Variants in SLC39A11 observed in about 807,000 individuals in gnomAD.
SLC39A11 encodes zinc transporter ZIP11.
A neutral mutation model predicts 36.1 loss-of-function variants in SLC39A11; 33 were observed. The observed-to-expected ratio is 0.91, with a 90% confidence interval of 0.69 to 1.22. SLC39A11 has a LOEUF of 1.22. Among genes scored for constraint, SLC39A11 ranks in the 50% most tolerant of loss-of-function variants. The pLI is 0.00. For missense variants in SLC39A11, 432 were observed against 430.3 expected, an observed-to-expected ratio of 1.00 and a Z score of -0.03; for synonymous variants, 166 against 170.3, an observed-to-expected ratio of 0.97 and a Z score of 0.20.
At chr17:72,875,226 C>G (rs1449998047) in intron 5 of SLC39A11, among the ~76,000 whole-genome samples, 1 of 152,196 alleles carries the variant, frequency 6.6e-6, no homozygotes, top group Non-Finnish European at 1.5e-5. Flanking sequence ...CACATTAACA[C>G]TGTAAATATT....
At chr17:72,721,895 G>A (rs1321240199) in intron 7 of SLC39A11, among the ~76,000 whole-genome samples, 2 of 149,646 alleles carry the variant, frequency 1.3e-5, no homozygotes, top group Non-Finnish European at 3.0e-5. Context: ...GCTTGAACCT[G>A]GGAGGCAGAG....
At chr17:72,729,982 C>A (rs7221363) in intron 7 of SLC39A11, among the ~76,000 whole-genome samples, 5 of 152,068 alleles carry the variant, frequency 3.3e-5, no homozygotes, top group Non-Finnish European at 7.4e-5. Context: ...CAAGACAATG[C>A]GGTCTGAATG....
intron 3 of SLC39A11, among the ~76,000 whole-genome samples, chr17:73,042,519 G>A (rs553563653): frequency 7.2e-5 from 11 of 152,308 alleles, no homozygotes; most frequent in Non-Finnish European, 1.5e-4. Flanking sequence ...ATCAGAAAGA[G>A]GCTGGGCATG....
chr17:73,027,873 C>T (rs1019867089), intron 4 of SLC39A11, among the ~76,000 whole-genome samples: 5 of 152,138 alleles, frequency 3.3e-5, no homozygotes, highest in African/African-American at 1.2e-4. Context: ...TCCAGACTTC[C>T]GCATCTCCTT....
At chr17:73,036,698 C>T (rs2058927734) in intron 3 of SLC39A11, among the ~76,000 whole-genome samples, 1 of 152,156 alleles carries the variant, frequency 6.6e-6, no homozygotes, top group Non-Finnish European at 1.5e-5. Flanking sequence ...CCACCTGCCT[C>T]GGCCTCCCAA....
intron 4 of SLC39A11, among the ~76,000 whole-genome samples, chr17:72,991,444 A>G (rs2089168070): frequency 6.7e-6 from 1 of 149,552 alleles, no homozygotes; most frequent in Admixed American, 6.7e-5. Flanking sequence ...CACAACCTCC[A>G]CCTCCCGGGT....
intron 5 of SLC39A11, among the ~76,000 whole-genome samples, chr17:72,886,445 C>A (rs961016974): frequency 8.5e-5 from 13 of 152,180 alleles, no homozygotes; most frequent in Non-Finnish European, 1.9e-4. Context: ...CCTCCTCCTC[C>A]TTTCTCCTTC....
At chr17:72,707,013 A>G (rs1181141049) in intron 7 of SLC39A11, among the ~76,000 whole-genome samples, 1 of 152,244 alleles carries the variant, frequency 6.6e-6, no homozygotes, top group Admixed American at 6.5e-5. Context: ...CACCTGAAAT[A>G]TGGTGAATCC....
chr17:73,081,870 G>A (rs2060548455), intron 3 of SLC39A11, among the ~76,000 whole-genome samples: 1 of 151,052 alleles, frequency 6.6e-6, no homozygotes, highest in Admixed American at 6.6e-5. Context: ...AGTAACTCAG[G>A]AATGGAAAAC....
intron 5 of SLC39A11, among the ~76,000 whole-genome samples, chr17:72,865,897 G>A (rs2080276499): frequency 1.3e-5 from 2 of 152,158 alleles, no homozygotes; most frequent in African/African-American, 4.8e-5. Context: ...CATTTCTATT[G>A]AAAACTCAAC....
At position 72,736,686 on chromosome 17, in the gene SLC39A11, A is replaced by G; in HGVS notation, c.635T>C (p.Ile212Thr). The G allele has an allele frequency of 6.8e-6, 11 of 1,614,088 alleles. No individual in the cohort carries two copies. The highest frequency in any genetic ancestry group is 9.3e-6 in the Non-Finnish European group (11 of 1,179,980). Residue 212 changes from isoleucine (I) to threonine (T), a missense_variant, in exon 7 of 10, where the codon ATA (isoleucine) becomes ACA (threonine). Ile to Thr is a moderately conservative substitution (Grantham distance 89, BLOSUM62 -1). Transcript: ENST00000255559. ...GLAVGVGFGA[I>T]EKTASATFES... ...AAAGGTAGCAGATGCCGTCTTTTCT[A>G]TAGCCCCAAATCCAACTCCAACAGC...
At chr17:72,915,771 C>T (rs2083294060) in intron 5 of SLC39A11, among the ~76,000 whole-genome samples, 1 of 152,240 alleles carries the variant, frequency 6.6e-6, no homozygotes, top group African/African-American at 2.4e-5. Flanking sequence ...GAGCAGCTCA[C>T]ATCCAGTAGC....
chr17:73,086,220 T>C (rs924298307), intron 2 of SLC39A11, among the ~76,000 whole-genome samples: 3 of 152,172 alleles, frequency 2.0e-5, no homozygotes, highest in South Asian at 4.1e-4. Flanking sequence ...TCTAGTTTCA[T>C]GAGCACTTGT....
At chr17:72,878,976 A>C (rs2081056066) in intron 5 of SLC39A11, among the ~76,000 whole-genome samples, 1 of 152,264 alleles carries the variant, frequency 6.6e-6, no homozygotes, top group South Asian at 2.1e-4. Flanking sequence ...AGGATGGCTC[A>C]CAGAACCCAA....
intron 7 of SLC39A11, among the ~76,000 whole-genome samples, chr17:72,725,221 G>A (rs1230620176): frequency 1.3e-5 from 2 of 152,164 alleles, no homozygotes; most frequent in Admixed American, 6.5e-5. Flanking sequence ...TGGGTGTCTG[G>A]AAGTGAGGAC....
chr17:73,092,300 G>C (rs948680435), intron 1 of SLC39A11: 1 of 152,294 alleles, frequency 6.6e-6, no homozygotes, highest in Non-Finnish European at 1.5e-5. Flanking sequence ...ACACCGCCTA[G>C]GAAGGGACGA....
At chr17:72,857,522 C>T (rs552618803) in intron 5 of SLC39A11, among the ~76,000 whole-genome samples, 2 of 152,154 alleles carry the variant, frequency 1.3e-5, no homozygotes, top group Non-Finnish European at 2.9e-5. Flanking sequence ...CTGGGTTGAA[C>T]AGTAGTTCTG....
At chr17:72,780,352 A>C (rs1416786260) in intron 6 of SLC39A11, among the ~76,000 whole-genome samples, 1 of 152,160 alleles carries the variant, frequency 6.6e-6, no homozygotes, top group Non-Finnish European at 1.5e-5. Context: ...TGGGCTGATC[A>C]TAACTACATG....
intron 3 of SLC39A11, among the ~76,000 whole-genome samples, chr17:73,068,836 A>G (rs1384969155): frequency 6.6e-6 from 1 of 152,156 alleles, no homozygotes; most frequent in Non-Finnish European, 1.5e-5. Context: ...CCCCCTGTGC[A>G]CACGCATGGC....
Sources: gnomAD v4.1 joint callset for allele counts (sites outside exome capture counted in the v4.1 genomes callset) on GRCh38, gnomAD v4.1.1 for gene constraint, MANE v1.5 for transcripts, NCBI Gene and HGNC (gene_info 2026-07-23, HGNC 2026-07-21) for gene names.